The following SYTL3 variants were observed in gnomAD, a reference collection of about 807,000 sequenced individuals.
SYTL3 encodes synaptotagmin-like protein 3.
In SYTL3, 88 loss-of-function variants were observed where a neutral mutation model predicts 82.1. The observed-to-expected ratio is 1.07, with a 90% CI of 0.90 to 1.28. The LOEUF is 1.28. SYTL3 is among the 50% of genes most tolerant of loss of function. SYTL3 has a pLI of 0.00. For missense variants in SYTL3, 831 were observed against 757.6 expected (o/e 1.10, Z -1.14); for synonymous variants, 311 against 289.4 (o/e 1.07, Z -0.76).
At chr6:158,746,586 C>A (rs1787699825) in intron 12 of SYTL3, among the ~76,000 whole-genome samples, 1 of 151,564 alleles carries the variant, frequency 6.6e-6, no homozygotes, top group Non-Finnish European at 1.5e-5. Flanking sequence ...CTGCCTCAGT[C>A]TCCTGAGCAT....
chr6:158,681,201 T>C (rs1778651628), intron 5 of SYTL3, among the ~76,000 whole-genome samples: 1 of 152,242 alleles, frequency 6.6e-6, no homozygotes, highest in Non-Finnish European at 1.5e-5. Flanking sequence ...TGTTTGCCTT[T>C]TTATATCCTA....
At chr6:158,689,539 A>G (rs1779637205) in intron 6 of SYTL3, among the ~76,000 whole-genome samples, 1 of 152,224 alleles carries the variant, frequency 6.6e-6, no homozygotes, top group African/African-American at 2.4e-5. Context: ...GTTTGCTTGT[A>G]GGCAAATCTC....
chr6:158,723,591 G>T (rs567249732), intron 10 of SYTL3, among the ~76,000 whole-genome samples: 1 of 152,218 alleles, frequency 6.6e-6, no homozygotes, highest in East Asian at 1.9e-4. Context: ...ATAGTTCGCG[G>T]CATTGAAAAC....
chr6:158,738,961 C>T (rs1786561648), intron 11 of SYTL3, among the ~76,000 whole-genome samples: 1 of 152,166 alleles, frequency 6.6e-6, no homozygotes, highest in South Asian at 2.1e-4. Flanking sequence ...CCTAGCCCCT[C>T]AGCTAAGCTT....
chr6:158,735,090 A>G (rs977590517), intron 11 of SYTL3, among the ~76,000 whole-genome samples: 15 of 152,026 alleles, frequency 9.9e-5, no homozygotes, highest in Non-Finnish European at 2.1e-4. Context: ...AGTTTTCCTG[A>G]CCCATGCTGC....
chr6:158,725,407 A>G (rs1176962471), intron 10 of SYTL3, 96 bp from the exon 11 acceptor site: 19 of 1,395,310 alleles, frequency 1.4e-5, no homozygotes, highest in East Asian at 4.6e-5. Context: ...CATGTTAGTA[A>G]CATCAAGTCA....
intron 1 of SYTL3, among the ~76,000 whole-genome samples, chr6:158,650,563 T>A (rs1446433260): frequency 6.6e-6 from 1 of 152,218 alleles, no homozygotes; most frequent in African/African-American, 2.4e-5. Flanking sequence ...TTAAATTTCT[T>A]TTAATTAAGC....
intron 13 of SYTL3, among the ~76,000 whole-genome samples, chr6:158,752,241 A>C (rs1165812037): frequency 1.3e-5 from 2 of 152,174 alleles, no homozygotes; most frequent in African/African-American, 4.8e-5. Context: ...AGTCTGCCAG[A>C]CTCAGGAATG....
At chr6:158,673,800 C>G (rs188416702) in intron 5 of SYTL3, among the ~76,000 whole-genome samples, 23 of 149,482 alleles carry the variant, frequency 1.5e-4, no homozygotes, top group Admixed American at 4.0e-4. Flanking sequence ...TCTTCTTCCT[C>G]GGGCCGGGCG....
intron 11 of SYTL3, among the ~76,000 whole-genome samples, chr6:158,736,177 A>C (rs1218632792): frequency 6.6e-6 from 1 of 151,830 alleles, no homozygotes; most frequent in East Asian, 1.9e-4. Flanking sequence ...TAGTGAAACC[A>C]CATCTCTACT....
chr6:158,761,603 C>T (rs57304695), intron 15 of SYTL3, among the ~76,000 whole-genome samples: 13,393 of 152,158 alleles, frequency 0.088, 946 homozygotes, highest in African/African-American at 0.2. Context: ...CCACCACGCC[C>T]GGCCCAGAAT....
chr6:158,757,661 C>T (rs536789628), intron 14 of SYTL3, among the ~76,000 whole-genome samples: 4 of 152,346 alleles, frequency 2.6e-5, no homozygotes, highest in African/African-American at 9.6e-5. Flanking sequence ...CTTCCCCTGG[C>T]GGAGGCCTCC....
At chr6:158,700,282 C>T (rs1011278896) in intron 6 of SYTL3, among the ~76,000 whole-genome samples, 40 of 151,864 alleles carry the variant, frequency 2.6e-4, no homozygotes, top group African/African-American at 9.2e-4. Context: ...AACAAATAAA[C>T]AAAACATTTT....
At chr6:158,676,542 A>T (rs1778049318) in intron 5 of SYTL3, among the ~76,000 whole-genome samples, 1 of 151,996 alleles carries the variant, frequency 6.6e-6, no homozygotes, top group Admixed American at 6.6e-5. Context: ...AACAAAAGCC[A>T]AAATTGACAA....
At chr6:158,737,471 A>C (rs995149521) in intron 11 of SYTL3, among the ~76,000 whole-genome samples, 4 of 152,254 alleles carry the variant, frequency 2.6e-5, no homozygotes, top group African/African-American at 9.6e-5. Flanking sequence ...GCTTGCAGTT[A>C]CAGGAGATAC....
Position 158,745,743 on chromosome 6 carries a change from C to T in SYTL3, c.1034+85C>T, listed in dbSNP as rs1562454773. 4 of 891,896 alleles carry T rather than the reference C, an allele frequency of 4.5e-6. No homozygotes were observed. The South Asian group carries it at 8.2e-5, about 18-fold the overall frequency. 55.2% of individuals were successfully genotyped at this position (891,896 alleles called of 1,614,324 possible). ...AGTAAAAGTCTAAGAATAACCAAGA[C>T]AATTATTAAAAAAAAAAACAAAATG... On this transcript the variant is annotated intron_variant, in intron 12 of 17. Coordinates refer to ENST00000611299, the MANE Select transcript of SYTL3 (RefSeq NM_001242394.2).
rs115154017 is a variant in SYTL3, at chr6:158,738,222, C to G, written c.856-7258C>G. Among the ~76,000 whole-genome samples, 844 of 152,260 alleles carry G rather than the reference C, an allele frequency of 5.5e-3. 4 individuals are homozygous for G. The highest frequency in any genetic ancestry group is 0.019 in the African/African-American group (792 of 41,556). ...CTGTGCCCAGCACTGCCCAGCAATC[C>G]TGATGTCTTTGCCTGATTAACACAG... On this transcript the variant is annotated intron_variant, in intron 11 of 17. Coordinates refer to ENST00000611299, the MANE Select transcript of SYTL3 (RefSeq NM_001242394.2).
intron 11 of SYTL3, among the ~76,000 whole-genome samples, chr6:158,728,348 AAG>A (rs1425627177): frequency 6.6e-6 from 1 of 152,052 alleles, no homozygotes; most frequent in African/African-American, 2.4e-5. Context: ...TAAAAAAAAA[AAG>A]AAAAAAAAAG....
chr6:158,693,853 TTC>T lies in SYTL3; in HGVS notation c.394+10866_394+10867del, dbSNP rs1364111407. Among the ~76,000 whole-genome samples, 9 of 83,968 alleles carry T rather than the reference TTC, an allele frequency of 1.1e-4. 1 individual carries two copies. The highest frequency in any genetic ancestry group is 2.0e-4 in the Non-Finnish European group (9 of 43,924). 55.1% of individuals were successfully genotyped at this position (83,968 alleles called of 152,430 possible). A position where few individuals can be genotyped will look rare whatever the true frequency, so the allele number is the denominator to read the frequency against. Reference sequence around the variant, plus strand: ...ACTGCATCCAGCCTTTCTTTTTCTTTTCTTTTTTTTTTTTTTTTTTGTAGATA... The same window carrying T: ...ACTGCATCCAGCCTTTCTTTTTCTTTTTTTTTTTTTTTTTTTTTGTAGATA... On this transcript the variant is annotated intron_variant, in intron 6 of 17. Transcript: ENST00000611299.
Sources: gnomAD v4.1 joint callset for allele counts (sites outside exome capture counted in the v4.1 genomes callset) on GRCh38, gnomAD v4.1.1 for gene constraint, MANE v1.5 for transcripts, NCBI Gene and HGNC (gene_info 2026-07-23, HGNC 2026-07-21) for gene names.